Variants in CTNNA3 observed in about 807,000 individuals in gnomAD.
CTNNA3 encodes the protein catenin alpha 3, also known as catenin alpha-3.
A neutral mutation model predicts 95.7 loss-of-function variants in CTNNA3; 76 were observed. The observed-to-expected ratio is 0.79, with a 90% CI of 0.66 to 0.96. The LOEUF is 0.96. Ranked by LOEUF, CTNNA3 falls within the 40% of genes least tolerant of loss-of-function variation. The pLI is 0.00. For synonymous variants in CTNNA3, 431 were observed against 374.4 expected, an observed-to-expected ratio of 1.15 and a Z score of -1.74; for missense variants, 1,191 against 1,089.8, an observed-to-expected ratio of 1.09 and a Z score of -1.31.
intron 14 of CTNNA3, among the ~76,000 whole-genome samples, chr10:66,086,116 A>G (rs76011932): frequency 1.6e-3 from 248 of 152,292 alleles, no homozygotes; most frequent in Admixed American, 2.8e-3. Flanking sequence ...AGAAAGGCCC[A>G]TAGCAATAGA....
intron 13 of CTNNA3, among the ~76,000 whole-genome samples, chr10:66,217,672 T>C (rs2088642401): frequency 6.6e-6 from 1 of 152,220 alleles, no homozygotes. Flanking sequence ...GGTCATATGG[T>C]AAATGTATAT....
intron 7 of CTNNA3, among the ~76,000 whole-genome samples, chr10:66,850,678 G>C (rs912580950): frequency 6.7e-5 from 10 of 150,068 alleles, no homozygotes; most frequent in African/African-American, 2.5e-4. Context: ...TTTCAAGCTG[G>C]GTAGAGTATG....
intron 11 of CTNNA3, among the ~76,000 whole-genome samples, chr10:66,471,379 T>C (rs1398277375): frequency 6.6e-6 from 1 of 151,772 alleles, no homozygotes. Flanking sequence ...CTCAAGACTG[T>C]TTTGATTTCT....
At chr10:67,110,370 A>T (rs1564897705) in intron 7 of CTNNA3, among the ~76,000 whole-genome samples, 1 of 152,160 alleles carries the variant, frequency 6.6e-6, no homozygotes, top group Non-Finnish European at 1.5e-5. Context: ...TACAAAAAAA[A>T]ATCAATATGC....
chr10:66,942,415 C>A (rs1417385466), intron 7 of CTNNA3, among the ~76,000 whole-genome samples: 1 of 152,154 alleles, frequency 6.6e-6, no homozygotes, highest in African/African-American at 2.4e-5. Context: ...TGTTGTTCAG[C>A]AACACAACAG....
intron 3 of CTNNA3, among the ~76,000 whole-genome samples, chr10:67,555,015 C>A (rs1841184466): frequency 1.3e-5 from 2 of 152,094 alleles, no homozygotes; most frequent in African/African-American, 4.8e-5. Flanking sequence ...ATAGGGAATC[C>A]TTTCCCTATT....
intron 1 of CTNNA3, among the ~76,000 whole-genome samples, chr10:67,753,782 C>G (rs1318291055): frequency 6.6e-6 from 1 of 151,854 alleles, no homozygotes; most frequent in East Asian, 1.9e-4. Flanking sequence ...TCTCATGAGT[C>G]AGAATGGCGA....
chr10:66,857,089 TAAGGA>T (rs769461940), intron 7 of CTNNA3, among the ~76,000 whole-genome samples: 6 of 152,094 alleles, frequency 3.9e-5, no homozygotes, highest in Non-Finnish European at 7.4e-5. Context: ...GTAAATGGTA[TAAGGA>T]AAGGGTCCAG....
In CTNNA3 at chr10:66,663,233, G is replaced by A. The variant is rs144801664; in HGVS notation, c.1282-41449C>T. On this transcript the variant is annotated intron_variant, in intron 9 of 17. Transcript: ENST00000433211. ...CCTCTAATGATTCCCCCTTTTTTCA[G>A]AATAATTAACAATGTCCTTACAATG... is the stretch of plus-strand genomic sequence containing the variant. 6.2e-4 allele frequency among the ~76,000 whole-genome samples: 94 copies of A among 151,644 alleles called. 2 individuals carry two copies. In the East Asian group the frequency reaches 0.018, roughly 28 times the overall value.
Position 66,285,487 on chromosome 10 carries a change from T to A in CTNNA3, c.1733-4866A>T, listed in dbSNP as rs938349672. Reference sequence around the variant, plus strand: ...TATATTAAAAGTGTATCCAATGAATTTTTAATATGATGAAGATTAAGCTCT... The same window carrying A: ...TATATTAAAAGTGTATCCAATGAATATTTAATATGATGAAGATTAAGCTCT... On this transcript the variant is annotated intron_variant, in intron 12 of 17. Transcript: ENST00000433211. Among the ~76,000 whole-genome samples the A allele has an allele frequency of 5.3e-5, 8 of 151,914 alleles. No individual in the cohort carries two copies. The South Asian group carries it at 1.7e-3, about 31-fold the overall frequency.
chr10:66,191,834 A>G (rs138247468), intron 13 of CTNNA3, among the ~76,000 whole-genome samples: 10 of 152,170 alleles, frequency 6.6e-5, no homozygotes, highest in Non-Finnish European at 2.9e-5. Flanking sequence ...TTAATCCCCA[A>G]TGCAACAGTG....
rs917731922 is a variant in CTNNA3 at position 67,507,324 on chromosome 10, T to G, written c.579+14518A>C. Among the ~76,000 whole-genome samples, 4 of 151,982 alleles carry G rather than the reference T, an allele frequency of 2.6e-5. No individual in the cohort carries two copies. The East Asian group carries it at 5.8e-4, about 22-fold the overall frequency. On this transcript the variant is annotated intron_variant, in intron 5 of 17. Transcript: ENST00000433211. ...GCAGGTGGATCACGACGTCAGCAGT[T>G]CAAGACTAGCCTGGCCAACATGGTG...
chr10:67,650,629 G>A (rs913137220), intron 1 of CTNNA3, among the ~76,000 whole-genome samples: 6 of 152,074 alleles, frequency 3.9e-5, no homozygotes, highest in African/African-American at 1.4e-4. Flanking sequence ...AAGTTCATTT[G>A]GTTTAACACA....
At chr10:67,477,989 T>A (rs1235523073) in intron 5 of CTNNA3, among the ~76,000 whole-genome samples, 1 of 152,146 alleles carries the variant, frequency 6.6e-6, no homozygotes, top group Non-Finnish European at 1.5e-5. Flanking sequence ...TAAAAATAAA[T>A]CAGTCAGAGC....
chr10:66,884,703 T>C (rs188218990), intron 7 of CTNNA3, among the ~76,000 whole-genome samples: 1 of 152,224 alleles, frequency 6.6e-6, no homozygotes, highest in East Asian at 1.9e-4. Flanking sequence ...AATATGTTAT[T>C]TGAAGTTACT....
intron 13 of CTNNA3, among the ~76,000 whole-genome samples, chr10:66,220,392 G>C (rs1003348389): frequency 6.6e-6 from 1 of 152,258 alleles, no homozygotes. Context: ...CCCCTGAGAG[G>C]GTGCAGGGGC....
intron 11 of CTNNA3, among the ~76,000 whole-genome samples, chr10:66,449,330 G>T (rs1023664464): frequency 6.6e-6 from 1 of 151,952 alleles, no homozygotes; most frequent in African/African-American, 2.4e-5. Context: ...AATGTATGTA[G>T]ATGCCAACCA....
chr10:67,326,852 G>A (rs1841559150), intron 5 of CTNNA3, among the ~76,000 whole-genome samples: 1 of 151,982 alleles, frequency 6.6e-6, no homozygotes, highest in Non-Finnish European at 1.5e-5. Flanking sequence ...TCTCTTTCAG[G>A]GACAAAAATG....
At chr10:66,003,333 T>A (rs1288418653) in intron 15 of CTNNA3, among the ~76,000 whole-genome samples, 1 of 151,706 alleles carries the variant, frequency 6.6e-6, no homozygotes, top group Non-Finnish European at 1.5e-5. Context: ...GGTGGTGGTG[T>A]GTGTGTGTGT....
Sources: allele counts gnomAD v4.1 joint callset (sites outside exome capture counted in the v4.1 genomes callset), GRCh38; gene constraint gnomAD v4.1.1; transcripts MANE v1.5; gene names NCBI Gene and HGNC (gene_info 2026-07-23, HGNC 2026-07-21).